Variants in SLC6A16 observed in about 807,000 individuals in gnomAD.
SLC6A16 encodes orphan sodium- and chloride-dependent neurotransmitter transporter NTT5.
In SLC6A16, 54 loss-of-function variants were observed where a neutral mutation model predicts 65.4. The observed-to-expected ratio is 0.83, with a 90% CI of 0.66 to 1.04. The LOEUF is 1.04. Ranked by LOEUF, SLC6A16 falls within the 50% of genes least tolerant of loss-of-function variation. The probability of loss-of-function intolerance (pLI) is 0.00; values close to 1 mark genes in which losing one functional copy is unlikely to be tolerated. For missense variants in SLC6A16, 816 were observed against 914.0 expected (o/e 0.89, Z 1.38); for synonymous variants, 330 against 346.5 (o/e 0.95, Z 0.53).
intron 1 of SLC6A16, among the ~76,000 whole-genome samples, chr19:49,317,613 T>C (rs1970635197): frequency 6.6e-6 from 1 of 151,958 alleles, no homozygotes; most frequent in Non-Finnish European, 1.5e-5. Flanking sequence ...AAGACCATCC[T>C]GGCTAACATG....
At chr19:49,297,949 G>C (rs1970215616) in intron 7 of SLC6A16, among the ~76,000 whole-genome samples, 1 of 152,066 alleles carries the variant, frequency 6.6e-6, no homozygotes, top group Non-Finnish European at 1.5e-5. Flanking sequence ...GAGGAACATA[G>C]GTAGAAAATA....
Position 49,310,133 on chromosome 19 carries a change from C to T in SLC6A16, c.607G>A (p.Val203Ile). Residue 203 changes from valine (V) to isoleucine (I), a missense_variant, in exon 4 of 12, where the codon GTC (valine) becomes ATC (isoleucine). By Grantham distance (29) the Val-to-Ile change is conservative. Coordinates refer to ENST00000335875, the MANE Select transcript of SLC6A16 (RefSeq NM_014037.3). Reference protein sequence around the residue: ...CFILGLYFNVVNSWIIFYMSQ... With the variant: ...CFILGLYFNVINSWIIFYMSQ... The stretch of plus-strand genomic sequence containing the variant: ...ATGTAGAAGATGATCCAGGAATTGA[C>T]CACATTGAAGTACAGGCCGAGGATG... The T allele has an allele frequency of 6.2e-7, 1 of 1,614,000 alleles. No individual in the cohort carries two copies. Among genetic ancestry groups the T allele is most frequent in the Non-Finnish European group, 8.5e-7 (1 of 1,179,976 alleles).
the SLC6A16 span, chr19:49,337,303 G>T: frequency 2.2e-6 from 3 of 1,358,730 alleles, no homozygotes; most frequent in South Asian, 2.3e-5. Context: ...GAGAGAGACC[G>T]AAACAAGGGC....
chr19:49,301,190 A>G (rs1397698534), intron 7 of SLC6A16, among the ~76,000 whole-genome samples: 2 of 152,208 alleles, frequency 1.3e-5, no homozygotes, highest in Non-Finnish European at 2.9e-5. Context: ...TTTTGCCCAC[A>G]TCACCCCATC....
chr19:49,292,630 T>A lies in SLC6A16; in HGVS notation c.1778+593A>T, dbSNP rs1285697985. 6.6e-6 allele frequency among the ~76,000 whole-genome samples: 1 copy of A among 152,172 alleles called. No individual in the cohort carries two copies. Among genetic ancestry groups the A allele is most frequent in the Non-Finnish European group, 1.5e-5 (1 of 68,026 alleles). Reference sequence around the variant, plus strand: ...GGCCACCATCACTTCTCTAGCCCCATCTCCTAATATCTTCTATTCCAGCCT... The same window carrying A: ...GGCCACCATCACTTCTCTAGCCCCAACTCCTAATATCTTCTATTCCAGCCT... On this transcript the variant is annotated intron_variant, in intron 10 of 11. Coordinates refer to ENST00000335875, the MANE Select transcript of SLC6A16 (RefSeq NM_014037.3). This position sits in a 1 kb window ranked among gnomAD's most constrained non-coding sequence, Gnocchi z 4.3.
the SLC6A16 span, chr19:49,339,752 G>C: frequency 5.8e-6 from 8 of 1,389,644 alleles, no homozygotes; most frequent in Non-Finnish European, 4.6e-6. The surrounding 1 kb of genome is among the most constrained non-coding windows in gnomAD (Gnocchi z 4.5). Context: ...TCGAGCCCCG[G>C]GCCCAGCCTG....
chr19:49,294,305 A>G, intron 8 of SLC6A16, 62 bp downstream of exon 8: 1 of 1,517,342 alleles, frequency 6.6e-7, no homozygotes, highest in Non-Finnish European at 9.0e-7. Flanking sequence ...AAAAGCTAAA[A>G]TTTCTGTTGT....
chr19:49,291,167 A>T (rs1257349418), intron 10 of SLC6A16, among the ~76,000 whole-genome samples: 1 of 152,098 alleles, frequency 6.6e-6, no homozygotes, highest in Non-Finnish European at 1.5e-5. Flanking sequence ...TCAGCCACCT[A>T]TCCAGTCTCC....
chr19:49,293,587 A>T (rs1970122822), intron 9 of SLC6A16, among the ~76,000 whole-genome samples: 1 of 152,128 alleles, frequency 6.6e-6, no homozygotes, highest in Non-Finnish European at 1.5e-5. Flanking sequence ...AACATGGTGA[A>T]AGCCCGTCTC....
intron 5 of SLC6A16, 56 bp from the exon 6 acceptor site, chr19:49,309,467 G>C: frequency 7.1e-7 from 1 of 1,413,278 alleles, no homozygotes; most frequent in Non-Finnish European, 1.0e-6. Context: ...TCAACCAACA[G>C]TTAGGAGGGA....
the SLC6A16 span, chr19:49,336,688 A>ATCTC: frequency 1.9e-6 from 1 of 517,022 alleles, no homozygotes; most frequent in East Asian, 3.3e-5. Context: ...GAGGAAGGAG[A>ATCTC]GGGTAAGAGG....
intron 2 of SLC6A16, 58 bp from the exon 3 acceptor site, chr19:49,310,568 T>A: frequency 6.3e-7 from 1 of 1,592,666 alleles, no homozygotes; most frequent in Non-Finnish European, 8.6e-7. Context: ...GTGCCTGGAC[T>A]CCAGGAGCCC....
At chr19:49,337,082 C>T in the SLC6A16 span, 2 of 1,613,978 alleles carry the variant, frequency 1.2e-6, no homozygotes, top group Admixed American at 3.3e-5. Context: ...TATCCCCACC[C>T]TCAAAAATGG....
Position 49,308,993 on chromosome 19 carries a change from A to G in SLC6A16, c.1112T>C (p.Leu371Pro), listed in dbSNP as rs770462441. The stretch of plus-strand genomic sequence containing the variant: ...CACAGACACGAGAAAGGCATCACTG[A>G]GACAGTTGTTGGACTGGGGCATGTA... ...ASYMPQSNNC[L>P]SDAFLVSVIN... The change falls in exon 7 of 12, where the codon CTC (leucine) becomes CCC (proline). Residue 371 changes from leucine (L) to proline (P), a missense_variant. Physicochemically the swap from Leu to Pro is moderately conservative, Grantham distance 98. Transcript: ENST00000335875. The G allele has an allele frequency of 6.2e-7, 1 of 1,614,236 alleles. No homozygotes were observed. The highest frequency in any genetic ancestry group is 1.1e-5 in the South Asian group (1 of 91,092).
upstream of SLC6A16, among the ~76,000 whole-genome samples, chr19:49,328,478 A>G (rs942905125): frequency 6.6e-6 from 1 of 152,194 alleles, no homozygotes; most frequent in African/African-American, 2.4e-5. Context: ...TGGGCTAAAG[A>G]TAGAAGCAGA....
At chr19:49,307,908 T>C (rs1354280208) in intron 7 of SLC6A16, among the ~76,000 whole-genome samples, 1 of 150,478 alleles carries the variant, frequency 6.6e-6, no homozygotes, top group African/African-American at 2.4e-5. Flanking sequence ...TGTCTCATTC[T>C]CCTTTCCTTC....
At chr19:49,301,808 G>A (rs1397295921) in intron 7 of SLC6A16, among the ~76,000 whole-genome samples, 1 of 152,160 alleles carries the variant, frequency 6.6e-6, no homozygotes, top group East Asian at 1.9e-4. Context: ...TTCTCTGGGT[G>A]CCTAAGCCAA....
chr19:49,334,110 C>T, the SLC6A16 span, among the ~76,000 whole-genome samples: 331 of 139,700 alleles, frequency 2.4e-3, 2 homozygotes, highest in African/African-American at 8.4e-3. Context: ...CCCCTGCCCC[C>T]AGCACCTGGG....
the SLC6A16 span, chr19:49,340,265 G>A: frequency 6.2e-7 from 1 of 1,613,388 alleles, no homozygotes; most frequent in Non-Finnish European, 8.5e-7. Flanking sequence ...GGTTCATGAC[G>A]CTCTCGATAT....
Sources: gnomAD v4.1 joint callset for allele counts (sites outside exome capture counted in the v4.1 genomes callset) on GRCh38, gnomAD v4.1.1 for gene constraint, Gnocchi (gnomAD v3.1) non-coding constraint, MANE v1.5 for transcripts, NCBI Gene and HGNC (gene_info 2026-07-23, HGNC 2026-07-21) for gene names.